Variants in DNAAF9 observed in about 807,000 individuals in gnomAD.
DNAAF9 encodes the protein shulin.
DNAAF9 carries 90 observed loss-of-function variants against 167.0 expected under a neutral mutation model. That is an observed-to-expected ratio of 0.54 (90% CI 0.45 to 0.64). DNAAF9 has a LOEUF of 0.64. Ranked by LOEUF, DNAAF9 falls within the 30% of genes least tolerant of loss-of-function variation. DNAAF9 has a pLI of 0.00. For synonymous variants in DNAAF9, 491 were observed against 508.8 expected, an observed-to-expected ratio of 0.96 and a Z score of 0.47; for missense variants, 1,315 against 1,442.2, an observed-to-expected ratio of 0.91 and a Z score of 1.43.
chr20:3,407,637 T>G lies in DNAAF9; in HGVS notation c.-80A>C. Reference sequence around the variant, plus strand: ...GCCCGCAGGGCGGCTCCACGCTAGCTGCGGCCGGGCGGGGCGGCAGGGCGT... The same window carrying G: ...GCCCGCAGGGCGGCTCCACGCTAGCGGCGGCCGGGCGGGGCGGCAGGGCGT... On this transcript the variant is annotated 5_prime_UTR_variant, in exon 1 of 37. Transcript: ENST00000252032. The G allele has an allele frequency of 3.5e-6, 4 of 1,153,026 alleles. No homozygotes were observed. Among genetic ancestry groups the G allele is most frequent in the African/African-American group, 1.6e-5 (1 of 60,688 alleles). The allele number at this position is 1,153,026 out of a possible 1,614,324, so 71.4% of individuals were successfully genotyped here. A position where few individuals can be genotyped will look rare whatever the true frequency, so the allele number is the denominator to read the frequency against.
rs1258382355 is a variant in DNAAF9 at position 3,394,942 on chromosome 20, C to CTTTTTTTTTTTTTT, written c.84-12437_84-12436insAAAAAAAAAAAAAA. ...TTCCATGGCTTTTACTGAACATTTT[C>CTTTTTTTTTTTTTT]TTTTTTCTTTTTTTTTTTTTTTTTT... On this transcript the variant is annotated intron_variant, in intron 1 of 36. Coordinates refer to ENST00000252032, the MANE Select transcript of DNAAF9 (RefSeq NM_001009984.3). Among the ~76,000 whole-genome samples, 25 of 89,012 alleles carry CTTTTTTTTTTTTTT rather than the reference C, an allele frequency of 2.8e-4. 6 individuals carry two copies. The highest frequency in any genetic ancestry group is 4.0e-4 in the Non-Finnish European group (17 of 42,888). The allele number at this position is 89,012 out of a possible 152,430, so 58.4% of individuals were successfully genotyped here. A position where few individuals can be genotyped will look rare whatever the true frequency, so the allele number is the denominator to read the frequency against.
At chr20:3,338,263 T>G (rs2070005179) in intron 10 of DNAAF9, among the ~76,000 whole-genome samples, 2 of 152,102 alleles carry the variant, frequency 1.3e-5, no homozygotes. Flanking sequence ...GTTGGTGTGC[T>G]TTTTCATTCA....
intron 4 of DNAAF9, 24 bp from the exon 5 acceptor site, chr20:3,375,150 A>T: frequency 7.3e-7 from 1 of 1,373,276 alleles, no homozygotes; most frequent in Non-Finnish European, 1.0e-6. Flanking sequence ...TCAAAAGAAA[A>T]ATAAGCTCTG....
At chr20:3,317,321 A>G (rs1240165852) in intron 17 of DNAAF9, among the ~76,000 whole-genome samples, 1 of 144,594 alleles carries the variant, frequency 6.9e-6, no homozygotes, top group Non-Finnish European at 1.5e-5. Flanking sequence ...AGATTATGCC[A>G]CCACACTCCA....
chr20:3,334,164 A>G (rs1322220699), intron 10 of DNAAF9, among the ~76,000 whole-genome samples: 1 of 152,160 alleles, frequency 6.6e-6, no homozygotes, highest in East Asian at 1.9e-4. Context: ...GGTTTTAATT[A>G]CCCCCTTCAT....
At chr20:3,300,359 A>C (rs2069162865) in intron 21 of DNAAF9, among the ~76,000 whole-genome samples, 1 of 152,018 alleles carries the variant, frequency 6.6e-6, no homozygotes, top group African/African-American at 2.4e-5. Flanking sequence ...TTTTTCTGCA[A>C]TATTTTTCAG....
chr20:3,361,789 G>T, intron 6 of DNAAF9: 1 of 1,189,884 alleles, frequency 8.4e-7, no homozygotes, highest in Non-Finnish European at 1.2e-6. Flanking sequence ...AGGTCTACAA[G>T]ACATATCTAG....
intron 23 of DNAAF9, chr20:3,295,894 G>A (rs529791473): frequency 1.9e-5 from 25 of 1,287,222 alleles, no homozygotes; most frequent in Middle Eastern, 1.9e-4. Context: ...AGCCAGTGCC[G>A]TCAATTGAAT....
At chr20:3,376,894 C>T (rs1025434967) in intron 3 of DNAAF9, among the ~76,000 whole-genome samples, 5 of 152,116 alleles carry the variant, frequency 3.3e-5, no homozygotes, top group African/African-American at 7.2e-5. Flanking sequence ...GAAACCCCGT[C>T]TCTACTAAAA....
chr20:3,374,768 T>C (rs1300592487), intron 5 of DNAAF9, among the ~76,000 whole-genome samples: 1 of 152,228 alleles, frequency 6.6e-6, no homozygotes, highest in African/African-American at 2.4e-5. Flanking sequence ...TAGTAAGTGA[T>C]ACAGCCATGT....
chr20:3,326,196 C>T lies in DNAAF9; in HGVS notation c.1188+1G>A. On this transcript the variant is annotated splice_donor_variant, in intron 13 of 36. Transcript: ENST00000252032. LOFTEE classifies it high-confidence loss of function. The stretch of plus-strand genomic sequence containing the variant: ...AAAGGGAAACATGGTATTTAAATTA[C>T]CTTTGTTAGACTGGAAGTTTTAGCA... 6.3e-7 allele frequency: 1 copy of T among 1,580,324 alleles called. No individual in the cohort carries two copies. Among genetic ancestry groups the T allele is most frequent in the Non-Finnish European group, 8.7e-7 (1 of 1,149,468 alleles).
chr20:3,359,501 T>C lies in DNAAF9; in HGVS notation c.690+15A>G, dbSNP rs374047657. 1.2e-5 allele frequency: 18 copies of C among 1,558,966 alleles called. No homozygotes were observed. The African/African-American group carries it at 2.3e-4, about 20-fold the overall frequency. The stretch of plus-strand genomic sequence containing the variant: ...CGTAATACTAATATTTAAAAGTTAC[T>C]GTTTGGCTCCTTACATCTGAAAGCA... On this transcript the variant is annotated intron_variant, in intron 7 of 36. Transcript: ENST00000252032.
chr20:3,336,949 G>A (rs1364659639), intron 10 of DNAAF9, among the ~76,000 whole-genome samples: 1 of 144,230 alleles, frequency 6.9e-6, no homozygotes, highest in African/African-American at 2.6e-5. Context: ...GCACGATCTC[G>A]GCTCACTGCA....
intron 27 of DNAAF9, among the ~76,000 whole-genome samples, chr20:3,287,094 CAG>C (rs1460974891): frequency 2.6e-5 from 4 of 152,176 alleles, no homozygotes; most frequent in Non-Finnish European, 5.9e-5. Flanking sequence ...ATCATGCTTA[CAG>C]AGACTTCATG....
At chr20:3,269,928 A>T (rs1311291983) in intron 30 of DNAAF9, among the ~76,000 whole-genome samples, 1 of 151,502 alleles carries the variant, frequency 6.6e-6, no homozygotes, top group African/African-American at 2.4e-5. Context: ...ACTGCACTCC[A>T]GCCTGGACGA....
intron 6 of DNAAF9, among the ~76,000 whole-genome samples, chr20:3,362,564 G>A (rs1360327667): frequency 1.3e-5 from 2 of 151,776 alleles, no homozygotes; most frequent in South Asian, 4.2e-4. Context: ...TGTCTCAACA[G>A]TAACACTATT....
Position 3,407,593 on chromosome 20 carries a change from AGCT to A in DNAAF9, c.-39_-37del, listed in dbSNP as rs2084083115. 1 of 1,217,100 alleles carries A rather than the reference AGCT, an allele frequency of 8.2e-7. No homozygotes were observed. Among genetic ancestry groups the A allele is most frequent in the Admixed American group, 4.3e-5 (1 of 23,028 alleles). 75.4% of individuals were successfully genotyped at this position (1,217,100 alleles called of 1,614,324 possible). A position where few individuals can be genotyped will look rare whatever the true frequency, so the allele number is the denominator to read the frequency against. ...GACTGGCGGCGGAGGAGGACGGTGC[AGCT>A]GCGAGGGTCTCAGTTGCCCGCAGGG... On this transcript the variant is annotated 5_prime_UTR_variant, in exon 1 of 37. Transcript: ENST00000252032.
chr20:3,361,923 A>T, intron 6 of DNAAF9: 1 of 1,512,690 alleles, frequency 6.6e-7, no homozygotes. Flanking sequence ...AGGGAGTTTC[A>T]TATTTTCTTT....
chr20:3,386,639 G>A (rs1697085183), intron 1 of DNAAF9, among the ~76,000 whole-genome samples: 1 of 152,052 alleles, frequency 6.6e-6, no homozygotes, highest in Non-Finnish European at 1.5e-5. Context: ...TTTTAGTTTT[G>A]CTCTATGAAA....
Sources: allele counts gnomAD v4.1 joint callset (sites outside exome capture counted in the v4.1 genomes callset), GRCh38; gene constraint gnomAD v4.1.1; transcripts MANE v1.5; gene names NCBI Gene and HGNC (gene_info 2026-07-23, HGNC 2026-07-21).